CPM: variants seen among roughly 807,000 people sequenced by gnomAD.
CPM encodes carboxypeptidase M.
CPM carries 35 observed loss-of-function variants against 46.4 expected under a neutral mutation model. The observed-to-expected ratio is 0.75, with a 90% confidence interval of 0.58 to 1.00. The LOEUF (loss-of-function observed/expected upper bound fraction) is 1.00. Ranked by LOEUF, CPM falls within the 50% of genes least tolerant of loss-of-function variation. The pLI, the probability that CPM is intolerant of heterozygous loss-of-function variation, is 0.00. For missense variants in CPM, 422 were observed against 530.4 expected, an observed-to-expected ratio of 0.80 and a Z score of 2.01; for synonymous variants, 195 against 195.3, an observed-to-expected ratio of 1.00 and a Z score of 0.01.
chr12:68,874,191 G>A (rs940127586), intron 3 of CPM, among the ~76,000 whole-genome samples: 12 of 152,158 alleles, frequency 7.9e-5, no homozygotes, highest in East Asian at 3.8e-4. Context: ...ACCCCACTGG[G>A]TTCCAATTTT....
At chr12:68,917,056 A>C (rs372676681) in intron 2 of CPM, among the ~76,000 whole-genome samples, 2 of 152,188 alleles carry the variant, frequency 1.3e-5, no homozygotes, top group Non-Finnish European at 2.9e-5. Flanking sequence ...AAACGTGTTT[A>C]ACAGCCTGTA....
intron 1 of CPM, among the ~76,000 whole-genome samples, chr12:68,951,513 T>C (rs979014292): frequency 1.2e-4 from 19 of 152,264 alleles, no homozygotes; most frequent in African/African-American, 4.6e-4. Flanking sequence ...GGAAGTGGCA[T>C]CTACACTGAG....
chr12:68,869,798 G>A (rs1019299103), intron 5 of CPM, among the ~76,000 whole-genome samples: 1 of 151,998 alleles, frequency 6.6e-6, no homozygotes, highest in Non-Finnish European at 1.5e-5. Context: ...TTATAGGGGT[G>A]AATAAAGCTA....
At chr12:68,901,310 G>GT (rs1385829689) in intron 2 of CPM, among the ~76,000 whole-genome samples, 1 of 152,220 alleles carries the variant, frequency 6.6e-6, no homozygotes, top group Non-Finnish European at 1.5e-5. Context: ...CCTGCGGCTT[G>GT]TAAGGGTGGG....
At chr12:68,875,604 G>A (rs1000166957) in intron 3 of CPM, among the ~76,000 whole-genome samples, 12 of 151,910 alleles carry the variant, frequency 7.9e-5, no homozygotes, top group African/African-American at 2.2e-4. Context: ...TAGGGAGTTC[G>A]AGACGAGCCT....
At chr12:68,919,240 A>G (rs1887936515) in intron 2 of CPM, among the ~76,000 whole-genome samples, 1 of 152,216 alleles carries the variant, frequency 6.6e-6, no homozygotes, top group South Asian at 2.1e-4. Context: ...TAGGCACTGA[A>G]AATACAGTGA....
chr12:68,891,026 G>A (rs1191262411), intron 2 of CPM, among the ~76,000 whole-genome samples: 1 of 152,258 alleles, frequency 6.6e-6, no homozygotes, highest in African/African-American at 2.4e-5. Flanking sequence ...AGTCACCTCT[G>A]ACCTAAGTCC....
chr12:68,956,071 G>T (rs1032087356), intron 1 of CPM, among the ~76,000 whole-genome samples: 1 of 152,154 alleles, frequency 6.6e-6, no homozygotes, highest in Non-Finnish European at 1.5e-5. Context: ...CTGCTAAGGG[G>T]CTCCTGCAGG....
At chr12:68,913,027 A>G (rs1315487203) in intron 2 of CPM, among the ~76,000 whole-genome samples, 1 of 151,812 alleles carries the variant, frequency 6.6e-6, no homozygotes, top group African/African-American at 2.4e-5. Context: ...TGAGGCTGCT[A>G]TGGGCAGGGT....
chr12:68,863,258 T>C (rs1885287676), intron 7 of CPM, among the ~76,000 whole-genome samples: 1 of 152,192 alleles, frequency 6.6e-6, no homozygotes, highest in Non-Finnish European at 1.5e-5. Context: ...GCCATTCCCT[T>C]GCTCTCTAGG....
intron 1 of CPM, among the ~76,000 whole-genome samples, chr12:68,943,169 C>G (rs767773622): frequency 5.9e-5 from 9 of 152,080 alleles, no homozygotes; most frequent in Non-Finnish European, 1.3e-4. Context: ...TAGCTTAAAC[C>G]CCAGCTCTGT....
upstream of CPM, among the ~76,000 whole-genome samples, chr12:68,935,523 T>C (rs533879004): frequency 6.6e-6 from 1 of 152,250 alleles, no homozygotes; most frequent in South Asian, 2.1e-4. Context: ...ACTCCTGGCC[T>C]CAAGTGATCC....
chr12:68,855,462 A>G lies in CPM; in HGVS notation c.*975T>C, dbSNP rs1379793346. 6.6e-6 allele frequency: 1 copy of G among 152,296 alleles called. No individual in the cohort carries two copies. Among genetic ancestry groups the G allele is most frequent in the African/African-American group, 2.4e-5 (1 of 41,446 alleles). 9.4% of individuals were successfully genotyped at this position (152,296 alleles called of 1,614,324 possible). A position where few individuals can be genotyped will look rare whatever the true frequency, so the allele number is the denominator to read the frequency against. On this transcript the variant is annotated 3_prime_UTR_variant, in exon 9 of 9. Transcript: ENST00000551568. ...TGGAGGACTGTGGCATCCAGGTGCC[A>G]AAAGCTAGGGAAACGGCTCTGGAGA...
At chr12:68,907,818 GTTAT>G (rs528453019) in intron 2 of CPM, among the ~76,000 whole-genome samples, 6 of 151,540 alleles carry the variant, frequency 4.0e-5, no homozygotes, top group South Asian at 2.1e-4. Context: ...GGCTGGGTTG[GTTAT>G]TTATTTATTT....
At chr12:68,947,976 T>G (rs1356269449) in intron 1 of CPM, among the ~76,000 whole-genome samples, 1 of 152,106 alleles carries the variant, frequency 6.6e-6, no homozygotes, top group Non-Finnish European at 1.5e-5. Flanking sequence ...CAAAGCAAAC[T>G]CTCAAGATCC....
intron 2 of CPM, among the ~76,000 whole-genome samples, chr12:68,905,119 A>C (rs182024385): frequency 1.3e-5 from 2 of 152,242 alleles, no homozygotes; most frequent in African/African-American, 4.8e-5. Flanking sequence ...CATGTTGGCC[A>C]GGCTGGTCTT....
intron 2 of CPM, among the ~76,000 whole-genome samples, chr12:68,896,966 C>A (rs2136272642): frequency 6.6e-6 from 1 of 151,442 alleles, no homozygotes; most frequent in African/African-American, 2.4e-5. Flanking sequence ...AATAAATTTT[C>A]TTTTTTTTCT....
At chr12:68,956,550 T>G (rs1224497870) in intron 1 of CPM, among the ~76,000 whole-genome samples, 2 of 152,204 alleles carry the variant, frequency 1.3e-5, no homozygotes, top group Admixed American at 1.3e-4. Context: ...TCTGTCTGAC[T>G]CCAAAACCTG....
chr12:68,884,453 C>A (rs964957803), intron 3 of CPM, among the ~76,000 whole-genome samples: 1 of 152,026 alleles, frequency 6.6e-6, no homozygotes, highest in Non-Finnish European at 1.5e-5. Flanking sequence ...CAAGGGCAGG[C>A]GGAGTGTACC....
Sources: gnomAD v4.1 joint callset for allele counts (sites outside exome capture counted in the v4.1 genomes callset) on GRCh38, gnomAD v4.1.1 for gene constraint, MANE v1.5 for transcripts, NCBI Gene and HGNC (gene_info 2026-07-23, HGNC 2026-07-21) for gene names.